The following CADM2 variants were observed in gnomAD, a reference collection of about 807,000 sequenced individuals.
CADM2 encodes immunoglobulin superfamily member 4D.
CADM2 carries 12 observed loss-of-function variants against 49.8 expected under a neutral mutation model. The ratio of observed to expected loss-of-function variants is 0.24; its 90% CI spans 0.15 to 0.39. The LOEUF is 0.39. Among genes scored for constraint, CADM2 ranks in the 10% least tolerant of loss-of-function variants. The pLI is 1.00. For synonymous variants in CADM2, 214 were observed against 175.4 expected (o/e 1.22, Z -1.74); for missense variants, 378 against 492.3 (o/e 0.77, Z 2.20).
chr3:85,845,270 G>C (rs1202302329), intron 3 of CADM2, among the ~76,000 whole-genome samples: 1 of 152,150 alleles, frequency 6.6e-6, no homozygotes, highest in Admixed American at 6.5e-5. Context: ...TAGCAGGACA[G>C]GCTGGTAGCC....
intron 1 of CADM2, among the ~76,000 whole-genome samples, chr3:85,403,010 A>G (rs966066384): frequency 4.6e-5 from 7 of 152,178 alleles, no homozygotes; most frequent in South Asian, 4.1e-4. Flanking sequence ...TTATTGCCTC[A>G]CGGTAAACAT....
At chr3:85,316,039 T>C (rs888689961) in intron 1 of CADM2, among the ~76,000 whole-genome samples, 3 of 152,134 alleles carry the variant, frequency 2.0e-5, no homozygotes, top group African/African-American at 7.2e-5. Context: ...TTAAGAAAAG[T>C]GTGCCAACAG....
intron 7 of CADM2, among the ~76,000 whole-genome samples, chr3:85,952,040 T>C (rs917062100): frequency 6.6e-6 from 1 of 150,520 alleles, no homozygotes; most frequent in African/African-American, 2.4e-5. Flanking sequence ...TATAAGAAAG[T>C]AGCGAACTGA....
At chr3:85,926,425 A>G (rs540658189) in intron 6 of CADM2, among the ~76,000 whole-genome samples, 3 of 152,256 alleles carry the variant, frequency 2.0e-5, no homozygotes, top group Non-Finnish European at 4.4e-5. Flanking sequence ...TCAGATGAGA[A>G]CCACTATTTT....
chr3:86,028,740 C>A (rs1275226279), intron 8 of CADM2, among the ~76,000 whole-genome samples: 1 of 152,168 alleles, frequency 6.6e-6, no homozygotes, highest in Non-Finnish European at 1.5e-5. Context: ...GGATTACAAT[C>A]TTCACTTTTA....
At chr3:85,030,398 A>G (rs546260427) in intron 1 of CADM2, among the ~76,000 whole-genome samples, 1 of 152,340 alleles carries the variant, frequency 6.6e-6, no homozygotes, top group African/African-American at 2.4e-5. Flanking sequence ...AGACACTGGT[A>G]AAGACAATGC....
intron 1 of CADM2, among the ~76,000 whole-genome samples, chr3:85,281,884 G>A (rs1210622442): frequency 2.6e-5 from 4 of 152,004 alleles, no homozygotes; most frequent in Non-Finnish European, 5.9e-5. Context: ...AGGCCTATTA[G>A]GCACAAGCTG....
At chr3:85,892,533 G>A (rs1249643105) in intron 5 of CADM2, among the ~76,000 whole-genome samples, 1 of 152,064 alleles carries the variant, frequency 6.6e-6, no homozygotes, top group East Asian at 1.9e-4. Context: ...AGTCTCATGA[G>A]ATCTGATGGC....
chr3:85,334,720 C>G (rs919582626), intron 1 of CADM2, among the ~76,000 whole-genome samples: 1 of 151,476 alleles, frequency 6.6e-6, no homozygotes, highest in South Asian at 2.1e-4. Context: ...CTTGGATTCT[C>G]TAACTGTTCA....
chr3:85,832,788 C>A (rs774248621), intron 3 of CADM2, among the ~76,000 whole-genome samples: 14 of 151,796 alleles, frequency 9.2e-5, no homozygotes, highest in African/African-American at 1.2e-4. Flanking sequence ...TATTTGGATA[C>A]CTTTTATTTC....
At chr3:85,484,032 C>T (rs2039320359) in intron 1 of CADM2, among the ~76,000 whole-genome samples, 1 of 151,656 alleles carries the variant, frequency 6.6e-6, no homozygotes, top group Non-Finnish European at 1.5e-5. Flanking sequence ...ATTAAAATGT[C>T]TGCTCAGAAA....
intron 6 of CADM2, among the ~76,000 whole-genome samples, chr3:85,922,285 T>C (rs1489239414): frequency 6.6e-6 from 1 of 150,976 alleles, no homozygotes; most frequent in African/African-American, 2.4e-5. Flanking sequence ...TGTTGTAATT[T>C]TTATCACATT....
intron 1 of CADM2, among the ~76,000 whole-genome samples, chr3:85,016,617 A>T (rs1304287698): frequency 6.6e-6 from 1 of 151,958 alleles, no homozygotes; most frequent in African/African-American, 2.4e-5. Context: ...ACACAGCGAA[A>T]CCCTGCCTCT....
intron 1 of CADM2, among the ~76,000 whole-genome samples, chr3:84,968,202 C>A (rs1364434635): frequency 1.3e-5 from 2 of 151,916 alleles, no homozygotes; most frequent in East Asian, 1.9e-4. Flanking sequence ...CATTCTGTGT[C>A]CAACTTCAGG....
At chr3:85,753,353 T>A (rs146656123) in intron 2 of CADM2, among the ~76,000 whole-genome samples, 20 of 151,610 alleles carry the variant, frequency 1.3e-4, no homozygotes, top group Non-Finnish European at 2.5e-4. Context: ...AAAATAAGTA[T>A]CAGAAAATGA....
intron 1 of CADM2, among the ~76,000 whole-genome samples, chr3:85,134,176 C>T (rs535613656): frequency 2.1e-4 from 32 of 152,340 alleles, no homozygotes; most frequent in Middle Eastern, 3.4e-3. Flanking sequence ...GCCAAGCCCA[C>T]GCCCACCCGG....
At chr3:85,687,825 A>G (rs548424953) in intron 1 of CADM2, among the ~76,000 whole-genome samples, 1 of 152,286 alleles carries the variant, frequency 6.6e-6, no homozygotes, top group East Asian at 1.9e-4. Context: ...CAGTACTATG[A>G]CCAGGTCCAT....
At chr3:86,013,392 G>A (rs575939881) in intron 8 of CADM2, 3 of 1,536,560 alleles carry the variant, frequency 2.0e-6, no homozygotes, top group African/African-American at 2.7e-5. Context: ...ACCTCTGGAT[G>A]GACAGGAGGC....
chr3:85,535,077 G>A lies in CADM2; in HGVS notation c.62-191445G>A, dbSNP rs555701162. On this transcript the variant is annotated intron_variant, in intron 1 of 9. Coordinates refer to ENST00000383699, the MANE Select transcript of CADM2 (RefSeq NM_001167675.2). ...CAAATGCAGTTCACGATGTTACTCAGTAATTTGAGTTCATTTTGTATTTAC... is the reference window on the plus strand; with the variant it reads ...CAAATGCAGTTCACGATGTTACTCAATAATTTGAGTTCATTTTGTATTTAC... Among the ~76,000 whole-genome samples the A allele has an allele frequency of 4.6e-4, 48 of 104,766 alleles. 1 individual carries two copies. The highest frequency in any genetic ancestry group is 1.2e-3 in the African/African-American group (48 of 39,318). 68.7% of individuals were successfully genotyped at this position (104,766 alleles called of 152,430 possible). A position where few individuals can be genotyped will look rare whatever the true frequency, so the allele number is the denominator to read the frequency against.
Sources: allele counts gnomAD v4.1 joint callset (sites outside exome capture counted in the v4.1 genomes callset), GRCh38; gene constraint gnomAD v4.1.1; transcripts MANE v1.5; gene names NCBI Gene and HGNC (gene_info 2026-07-23, HGNC 2026-07-21).